Variants in MEAK7 observed in about 807,000 individuals in gnomAD.
MEAK7 encodes MTOR-associated protein MEAK7.
A neutral mutation model predicts 40.5 loss-of-function variants in MEAK7; 68 were observed. The observed-to-expected ratio is 1.68, with a 90% CI of 1.38 to 2.06. The LOEUF (loss-of-function observed/expected upper bound fraction) is 2.06. Among genes scored for constraint, MEAK7 ranks in the 30% most tolerant of loss-of-function variants. The probability of loss-of-function intolerance (pLI) is 0.00; values close to 1 mark genes in which losing one functional copy is unlikely to be tolerated. For missense variants in MEAK7, 918 were observed against 580.5 expected (o/e 1.58, Z -5.98); for synonymous variants, 338 against 231.9 (o/e 1.46, Z -4.16).
chr16:84,497,495 G>A (rs1464405222), intron 2 of MEAK7: 6 of 1,289,972 alleles, frequency 4.7e-6, no homozygotes, highest in Non-Finnish European at 6.1e-6. Flanking sequence ...ACCCATCACC[G>A]CGTCTGTCTC....
At chr16:84,492,101 C>A (rs894119971) in intron 3 of MEAK7, among the ~76,000 whole-genome samples, 1 of 152,006 alleles carries the variant, frequency 6.6e-6, no homozygotes, top group East Asian at 1.9e-4. Context: ...AATATTTAAC[C>A]CCTCTAGGCC....
chr16:84,487,101 C>A, intron 4 of MEAK7, 42 bp from the exon 5 acceptor site: 1 of 1,562,002 alleles, frequency 6.4e-7, no homozygotes, highest in South Asian at 1.2e-5. Context: ...GCTGTTATGT[C>A]ACCATTTAGC....
rs1055335131 is a variant in MEAK7 at position 84,477,742 on chromosome 16, G to C, written c.*2171C>G. ...AGGATTGCGAGTTTCTCAGAGCCAG[G>C]TAAGGTACTGTCAGGTCCACTGGCC... On this transcript the variant is annotated 3_prime_UTR_variant, in exon 8 of 8. Transcript: ENST00000343629. 17 of 152,084 alleles carry C rather than the reference G, an allele frequency of 1.1e-4. No individual in the cohort carries two copies. The highest frequency in any genetic ancestry group is 4.1e-4 in the African/African-American group (17 of 41,396). 9.4% of individuals were successfully genotyped at this position (152,084 alleles called of 1,614,324 possible).
At chr16:84,490,325 A>C (rs1913461513) in intron 3 of MEAK7, among the ~76,000 whole-genome samples, 1 of 151,924 alleles carries the variant, frequency 6.6e-6, no homozygotes, top group African/African-American at 2.4e-5. Context: ...CAAAAGGAAA[A>C]AAACATTTTG....
At chr16:84,480,988 G>T (rs886898280) in intron 6 of MEAK7, among the ~76,000 whole-genome samples, 1 of 152,330 alleles carries the variant, frequency 6.6e-6, no homozygotes, top group Middle Eastern at 3.4e-3. Context: ...AGTGACATCA[G>T]AGAATTAAAA....
chr16:84,494,582 G>C (rs1567501096), intron 3 of MEAK7: 1 of 243,410 alleles, frequency 4.1e-6, no homozygotes, highest in African/African-American at 2.3e-5. Context: ...CCTGCCTGCT[G>C]ATATATGGAC....
intron 1 of MEAK7, 147 bp from the exon 2 acceptor site, chr16:84,498,258 T>A (rs1914219449): frequency 9.7e-7 from 1 of 1,031,246 alleles, no homozygotes; most frequent in Non-Finnish European, 1.3e-6. Flanking sequence ...AATACTGGGT[T>A]TTGGGTTTTG....
At position 84,479,230 on chromosome 16, in the gene MEAK7, T is replaced by A. The variant is rs1168034052; in HGVS notation, c.*683A>T. The A allele has an allele frequency of 6.6e-6, 1 of 152,192 alleles. No individual in the cohort carries two copies. The highest frequency in any genetic ancestry group is 2.4e-5 in the African/African-American group (1 of 41,436). 9.4% of individuals were successfully genotyped at this position (152,192 alleles called of 1,614,324 possible). On this transcript the variant is annotated 3_prime_UTR_variant, in exon 8 of 8. Transcript: ENST00000343629. ...GAACTCCCATGCCATTGGAAGCTGT[T>A]CCCAGAAAGCGTCGAGATTTTCATC... is the stretch of plus-strand genomic sequence containing the variant.
rs1470900014 is a variant in MEAK7, at chr16:84,482,580, G to A, written c.1077+12C>T. The A allele has an allele frequency of 2.5e-6, 4 of 1,614,066 alleles. No homozygotes were observed. The highest frequency in any genetic ancestry group is 3.4e-6 in the Non-Finnish European group (4 of 1,179,946). ...CACCAAGGCAAGACCACCACGCTCT[G>A]CCCGGGCTCACCAGTCCGTTCGGGA... On this transcript the variant is annotated intron_variant, in intron 6 of 7. Transcript: ENST00000343629.
chr16:84,499,947 G>C (rs449474), intron 1 of MEAK7: 135,767 of 152,258 alleles, frequency 0.89, 61,289 homozygotes, highest in Non-Finnish European at 0.97. Context: ...TGAGGCGGGA[G>C]GATCGCGTGA....
intron 1 of MEAK7, among the ~76,000 whole-genome samples, chr16:84,499,284 G>C (rs528962494): frequency 6.6e-6 from 1 of 152,274 alleles, no homozygotes; most frequent in South Asian, 2.1e-4. Context: ...GTTAATTCCT[G>C]GCCCTGGACT....
In MEAK7 at chr16:84,480,639, C is replaced by A. The variant is rs531056448; in HGVS notation, c.1147G>T (p.Ala383Ser). The A allele has an allele frequency of 5.0e-6, 8 of 1,614,084 alleles. No homozygotes were observed. The highest frequency in any genetic ancestry group is 5.9e-6 in the Non-Finnish European group (7 of 1,179,978). Residue 383 changes from alanine to serine, a missense_variant, in exon 7 of 8, where the codon GCC becomes TCC. Ala to Ser is a moderately conservative substitution (Grantham distance 99). Transcript: ENST00000343629. ...DVDFGKGHSR[A>S]KPTCTTYNSP... ...TTGTACGTGGTGCACGTGGGCTTGG[C>A]TCTGCTGTGTCCTTTCCCAAAATCA... is the stretch of plus-strand genomic sequence containing the variant.
Position 84,495,706 on chromosome 16 carries a change from C to T in MEAK7, c.361G>A (p.Val121Met), listed in dbSNP as rs142649443. The T allele has an allele frequency of 1.2e-4, 198 of 1,614,114 alleles. No homozygotes were observed. The highest frequency in any genetic ancestry group is 7.2e-4 in the African/African-American group (54 of 75,024). ...ACCTTTTGGACTTCTCTGGCCTTCA[C>T]GGGACCTTCTGTGGCAGAAATCATT... ...MKMISATEGP[V>M]KAREVQKFTE... The change falls in exon 3 of 8, where the codon GTG becomes ATG. Residue 121 changes from valine (V) to methionine (M), a missense_variant. By Grantham distance (21) the Val-to-Met change is conservative. Coordinates refer to ENST00000343629, the MANE Select transcript of MEAK7 (RefSeq NM_020947.4).
At chr16:84,496,691 C>T (rs1003050087) in intron 2 of MEAK7, among the ~76,000 whole-genome samples, 8 of 152,068 alleles carry the variant, frequency 5.3e-5, no homozygotes, top group African/African-American at 1.5e-4. Context: ...GGATGCAGGA[C>T]GTTCTCTCAC....
chr16:84,485,062 G>C (rs950010566), intron 5 of MEAK7, among the ~76,000 whole-genome samples: 2 of 152,196 alleles, frequency 1.3e-5, no homozygotes, highest in African/African-American at 4.8e-5. Flanking sequence ...GCCATGCAGT[G>C]AGGCAGAGCA....
chr16:84,500,998 G>A (rs576479685), intron 1 of MEAK7, among the ~76,000 whole-genome samples: 1 of 151,514 alleles, frequency 6.6e-6, no homozygotes, highest in East Asian at 1.9e-4. Context: ...GGGAGGCTGA[G>A]GCAGAAGAAT....
chr16:84,503,942 A>G, intron 1 of MEAK7: 6 of 985,516 alleles, frequency 6.1e-6, no homozygotes, highest in Non-Finnish European at 7.2e-6. Flanking sequence ...AGAGCCACAC[A>G]AGGGTCCCTC....
chr16:84,486,388 A>G, intron 5 of MEAK7: 1 of 1,250,388 alleles, frequency 8.0e-7, no homozygotes, highest in East Asian at 3.3e-5. Flanking sequence ...TAGACCCGGC[A>G]CCGTGTAATA....
At chr16:84,487,173 A>T in intron 4 of MEAK7, 114 bp from the exon 5 acceptor site, 2 of 1,080,302 alleles carry the variant, frequency 1.9e-6, no homozygotes, top group Non-Finnish European at 2.6e-6. Context: ...TACTGAGCAC[A>T]GAAAACAGGG....
Sources: allele counts gnomAD v4.1 joint callset (sites outside exome capture counted in the v4.1 genomes callset), GRCh38; gene constraint gnomAD v4.1.1; transcripts MANE v1.5; gene names NCBI Gene and HGNC (gene_info 2026-07-23, HGNC 2026-07-21).